PRUNE2: variants seen among roughly 807,000 people sequenced by gnomAD.
PRUNE2 encodes the protein protein prune homolog 2.
Under a neutral mutation model 252.0 loss-of-function variants are expected in PRUNE2, and 164 were observed. That is an observed-to-expected ratio of 0.65 (90% CI 0.57 to 0.74). The LOEUF is 0.74. Among genes scored for constraint, PRUNE2 ranks in the 30% least tolerant of loss-of-function variants. PRUNE2 has a pLI of 0.00. For synonymous variants in PRUNE2, 1,292 were observed against 1,350.2 expected, an observed-to-expected ratio of 0.96 and a Z score of 0.94; for missense variants, 3,495 against 3,711.0, an observed-to-expected ratio of 0.94 and a Z score of 1.51.
chr9:76,872,643 A>ACACACACACACC (rs1554820935), intron 1 of PRUNE2, among the ~76,000 whole-genome samples: 93 of 146,994 alleles, frequency 6.3e-4, no homozygotes, highest in African/African-American at 2.1e-3. Context: ...ACACACACAC[A>ACACACACACACC]CCCTCACACC....
chr9:76,804,257 G>A (rs1047790431), intron 6 of PRUNE2, among the ~76,000 whole-genome samples: 2 of 152,144 alleles, frequency 1.3e-5, no homozygotes, highest in Admixed American at 6.5e-5. Flanking sequence ...CGGGGCACAC[G>A]GGCCTCTCTT....
chr9:76,833,210 A>T (rs1395013976), intron 4 of PRUNE2, among the ~76,000 whole-genome samples: 1 of 152,184 alleles, frequency 6.6e-6, no homozygotes, highest in Non-Finnish European at 1.5e-5. Flanking sequence ...ACTAGTCCCA[A>T]GTCAAATTCA....
rs1564384556 is a variant in PRUNE2, at chr9:76,826,584, A to G, written c.657T>C (p.Ala219=). 6.3e-7 allele frequency: 1 copy of G among 1,588,184 alleles called. No homozygotes were observed. The highest frequency in any genetic ancestry group is 8.6e-7 in the Non-Finnish European group (1 of 1,164,570). The change falls in exon 5 of 19, where the codon GCT becomes GCC. Residue 219 remains alanine, a synonymous_variant. Transcript: ENST00000376718. ...GCTGGGGACAGAGTCACTCACCCTG[A>G]GCACTGAACTGGGTCTCCTGTAGGA... The part of the protein sequence containing the change: ...INVLQETQFS[A]QGLSIEQTML...
intron 7 of PRUNE2, among the ~76,000 whole-genome samples, chr9:76,712,436 C>T (rs1001501430): frequency 1.7e-5 from 2 of 116,378 alleles, no homozygotes; most frequent in Non-Finnish European, 3.2e-5. Context: ...AGAGCCAGGA[C>T]TCTGTTGCTT....
At chr9:76,619,074 C>G (rs920126631) in intron 18 of PRUNE2, among the ~76,000 whole-genome samples, 3 of 152,166 alleles carry the variant, frequency 2.0e-5, no homozygotes, top group African/African-American at 7.2e-5. Context: ...TACATCTGGT[C>G]CTAATATTCA....
chr9:76,647,343 G>T (rs988572173), intron 11 of PRUNE2, among the ~76,000 whole-genome samples: 3 of 152,158 alleles, frequency 2.0e-5, no homozygotes, highest in African/African-American at 4.8e-5. Context: ...GTAAAATAAT[G>T]AATCTGGACC....
chr9:76,618,768 C>T (rs926763391), intron 18 of PRUNE2, among the ~76,000 whole-genome samples: 3 of 152,110 alleles, frequency 2.0e-5, no homozygotes, highest in Non-Finnish European at 4.4e-5. Flanking sequence ...TGAAATGTAC[C>T]TCATAAACTT....
intron 9 of PRUNE2, among the ~76,000 whole-genome samples, chr9:76,688,552 T>G (rs2044359719): frequency 6.6e-6 from 1 of 152,228 alleles, no homozygotes; most frequent in Non-Finnish European, 1.5e-5. Context: ...TCCTCAATTT[T>G]CATGCCCTCT....
At chr9:76,722,980 T>C (rs2135274827) in intron 6 of PRUNE2, among the ~76,000 whole-genome samples, 1 of 152,372 alleles carries the variant, frequency 6.6e-6, no homozygotes, top group South Asian at 2.1e-4. Context: ...TTCTCTCTTG[T>C]CACTACACAC....
At chr9:76,736,586 T>C (rs180790631) in intron 6 of PRUNE2, 31 of 152,360 alleles carry the variant, frequency 2.0e-4, no homozygotes, top group African/African-American at 7.5e-4. Context: ...GGCTGCCATC[T>C]TTTTGCTGTG....
intron 4 of PRUNE2, among the ~76,000 whole-genome samples, chr9:76,827,872 A>C (rs1163241735): frequency 6.6e-6 from 1 of 152,234 alleles, no homozygotes; most frequent in African/African-American, 2.4e-5. Flanking sequence ...ACTAAGCATC[A>C]AATGAATGTA....
At chr9:76,809,469 G>T (rs1201313042) in intron 6 of PRUNE2, among the ~76,000 whole-genome samples, 5 of 152,200 alleles carry the variant, frequency 3.3e-5, no homozygotes, top group African/African-American at 1.2e-4. Context: ...AGGCTGAGGT[G>T]GGTGGATCAT....
Position 76,803,519 on chromosome 9 carries a change from C to T in PRUNE2, c.756+20113G>A, listed in dbSNP as rs550981958. Among the ~76,000 whole-genome samples the T allele has an allele frequency of 2.0e-5, 3 of 152,222 alleles. No homozygotes were observed. The South Asian group carries it at 6.2e-4, about 32-fold the overall frequency. On this transcript the variant is annotated intron_variant, in intron 6 of 18. Transcript: ENST00000376718. ...TAGAAACTCTTAGTTAACATAACTC[C>T]CCAGGCATTTCAGTTCACAATAGGA...
rs762682686 is a variant in PRUNE2 at position 76,708,031 on chromosome 9, C to T, written c.4243G>A (p.Val1415Met). 2 of 1,613,972 alleles carry T rather than the reference C, an allele frequency of 1.2e-6. No individual in the cohort carries two copies. Among genetic ancestry groups the T allele is most frequent in the Non-Finnish European group, 1.7e-6 (2 of 1,179,892 alleles). ...TTATCTGCGGACATCCCTGTTTGCA[C>T]ATCACGGGAGTCTAGATTGTAAGAC... ...EGSYNLDSRD[V>M]QTGMSADNLQ... Residue 1415 changes from valine (V) to methionine (M), a missense_variant, in exon 8 of 19, where the codon GTG (valine) becomes ATG (methionine). Physicochemically the swap from Val to Met is conservative, Grantham distance 21. Transcript: ENST00000376718.
At chr9:76,661,816 T>C (rs773076215) in intron 9 of PRUNE2, among the ~76,000 whole-genome samples, 40 of 152,172 alleles carry the variant, frequency 2.6e-4, no homozygotes, top group South Asian at 4.1e-4. Flanking sequence ...ATGGCAGATC[T>C]GAACAATGCA....
At chr9:76,770,321 C>T (rs1028914327) in intron 6 of PRUNE2, among the ~76,000 whole-genome samples, 20 of 152,070 alleles carry the variant, frequency 1.3e-4, no homozygotes, top group African/African-American at 4.3e-4. Flanking sequence ...GAACCAAATA[C>T]TTTTGGGAAT....
At chr9:76,843,802 C>T (rs2059530097) in intron 4 of PRUNE2, among the ~76,000 whole-genome samples, 1 of 142,352 alleles carries the variant, frequency 7.0e-6, no homozygotes. Context: ...GATCTCGGCT[C>T]ACTGCAACCT....
intron 6 of PRUNE2, chr9:76,739,680 A>G (rs1277578816): frequency 6.6e-6 from 1 of 152,214 alleles, no homozygotes; most frequent in Non-Finnish European, 1.5e-5. Flanking sequence ...AAGGCCATAA[A>G]TATCACATCA....
At chr9:76,683,222 C>T (rs546824941) in intron 9 of PRUNE2, among the ~76,000 whole-genome samples, 1 of 152,330 alleles carries the variant, frequency 6.6e-6, no homozygotes, top group South Asian at 2.1e-4. Context: ...AAGCACGTGA[C>T]ACCAGTTCTT....
Sources: gnomAD v4.1 joint callset for allele counts (sites outside exome capture counted in the v4.1 genomes callset) on GRCh38, gnomAD v4.1.1 for gene constraint, MANE v1.5 for transcripts, NCBI Gene and HGNC (gene_info 2026-07-23, HGNC 2026-07-21) for gene names.